The following MACC1 variants were observed in gnomAD, a reference collection of about 807,000 sequenced individuals.
The protein encoded by MACC1 is MET transcriptional regulator MACC1, also known as metastasis-associated in colon cancer protein 1.
MACC1 carries 79 observed loss-of-function variants against 70.7 expected under a neutral mutation model. The observed-to-expected ratio is 1.12, with a 90% confidence interval of 0.93 to 1.35. MACC1 has a LOEUF of 1.35. Among genes scored for constraint, MACC1 ranks in the 40% most tolerant of loss-of-function variants. The pLI is 0.00. For missense variants in MACC1, 1,106 were observed against 978.1 expected (o/e 1.13, Z -1.74); for synonymous variants, 361 against 347.2 (o/e 1.04, Z -0.44).
At position 20,140,730 on chromosome 7, in the gene MACC1, C is replaced by G. The variant is rs557180757; in HGVS notation, c.*216G>C. 4.1e-5 allele frequency: 17 copies of G among 416,120 alleles called. No homozygotes were observed. Among genetic ancestry groups the G allele is most frequent in the African/African-American group, 3.1e-4 (14 of 45,740 alleles). 25.8% of individuals were successfully genotyped at this position (416,120 alleles called of 1,614,324 possible). A position where few individuals can be genotyped will look rare whatever the true frequency, so the allele number is the denominator to read the frequency against. On this transcript the variant is annotated 3_prime_UTR_variant, in exon 7 of 7. Transcript: ENST00000400331. ...TTGGTTATCAGTTAGGCTGTGCTTT[C>G]ATCAGGAAAAAAAAACTGGTTTTGA... is the stretch of plus-strand genomic sequence containing the variant.
In MACC1 at chr7:20,207,148, CT is replaced by C. The variant is rs906784275; in HGVS notation, c.-218+10150del. ...CAATCCATTGTTAACTTTTTCTTTT[CT>C]TTTTTTTTTTAGACAGAGTCTTGCT... On this transcript the variant is annotated intron_variant, in intron 1 of 6. Coordinates refer to ENST00000400331, the MANE Select transcript of MACC1 (RefSeq NM_182762.4). 1.2e-3 allele frequency among the ~76,000 whole-genome samples: 167 copies of C among 144,690 alleles called. 2 individuals are homozygous for C. Among genetic ancestry groups the C allele is most frequent in the African/African-American group, 2.6e-3 (102 of 39,666 alleles). 94.9% of individuals were successfully genotyped at this position (144,690 alleles called of 152,430 possible). A position where few individuals can be genotyped will look rare whatever the true frequency, so the allele number is the denominator to read the frequency against.
intron 1 of MACC1, among the ~76,000 whole-genome samples, chr7:20,188,098 A>T (rs1034538342): frequency 1.3e-5 from 2 of 152,134 alleles, no homozygotes; most frequent in South Asian, 4.2e-4. Flanking sequence ...AAACCACAAG[A>T]TCTCCTGACA....
In MACC1 at chr7:20,158,788, CCTT is replaced by C. The variant is rs745697507; in HGVS notation, c.1570_1572del (p.Lys524del). ...GATAAAGGAGCAGACTTGATTTCCT[CCTT>C]CTTCTGCAAATAGCCTGGCAGATTC... On this transcript the variant is annotated inframe_deletion, in exon 5 of 7. Transcript: ENST00000400331. 50 of 1,613,962 alleles carry C rather than the reference CCTT, an allele frequency of 3.1e-5. No homozygotes were observed. The highest frequency in any genetic ancestry group is 1.6e-4 in the Middle Eastern group (1 of 6,084).
intron 1 of MACC1, among the ~76,000 whole-genome samples, chr7:20,182,528 T>A (rs1782525990): frequency 6.6e-6 from 1 of 152,184 alleles, no homozygotes; most frequent in Admixed American, 6.5e-5. Context: ...TTACAGGATA[T>A]GATGCACATC....
In MACC1 at chr7:20,146,949, A is replaced by T. The variant is rs77268664; in HGVS notation, c.2347-5791T>A. Reference sequence around the variant, plus strand: ...GAAGCGTGAGGCTGATAAAAGCACAAAGTTGTTAATTTTCATCTATGTGCT... The same window carrying T: ...GAAGCGTGAGGCTGATAAAAGCACATAGTTGTTAATTTTCATCTATGTGCT... On this transcript the variant is annotated intron_variant, in intron 6 of 6. Coordinates refer to ENST00000400331, the MANE Select transcript of MACC1 (RefSeq NM_182762.4). Among the ~76,000 whole-genome samples the T allele has an allele frequency of 6.1e-3, 924 of 152,300 alleles. 11 individuals carry two copies. The highest frequency in any genetic ancestry group is 0.021 in the African/African-American group (869 of 41,560).
chr7:20,154,802 A>C (rs1782031962), intron 5 of MACC1, among the ~76,000 whole-genome samples: 1 of 152,134 alleles, frequency 6.6e-6, no homozygotes, highest in East Asian at 1.9e-4. Context: ...GATTGGCTAC[A>C]AGAATTTCTT....
chr7:20,193,674 C>G (rs747127220), intron 1 of MACC1, among the ~76,000 whole-genome samples: 2 of 152,098 alleles, frequency 1.3e-5, no homozygotes, highest in Non-Finnish European at 2.9e-5. Flanking sequence ...GGAAGGCAGG[C>G]CTGGTTGTAG....
chr7:20,174,330 T>C (rs571778705), intron 1 of MACC1, among the ~76,000 whole-genome samples: 1 of 152,268 alleles, frequency 6.6e-6, no homozygotes, highest in African/African-American at 2.4e-5. Context: ...ATGTGAGAAG[T>C]TCATTTTAAA....
intron 1 of MACC1, among the ~76,000 whole-genome samples, chr7:20,179,051 GA>G (rs1782458445): frequency 6.6e-6 from 1 of 151,902 alleles, no homozygotes; most frequent in East Asian, 1.9e-4. Context: ...TAACTTTTAT[GA>G]ACTTTTATCT....
intron 1 of MACC1, among the ~76,000 whole-genome samples, chr7:20,184,690 G>T (rs1583402527): frequency 6.6e-6 from 1 of 152,124 alleles, no homozygotes; most frequent in Non-Finnish European, 1.5e-5. Flanking sequence ...TTTACCTTTT[G>T]TCTGCCGAAA....
chr7:20,174,557 C>T (rs921740056), intron 1 of MACC1, among the ~76,000 whole-genome samples: 1 of 152,020 alleles, frequency 6.6e-6, no homozygotes, highest in Non-Finnish European at 1.5e-5. Context: ...ACATATACAG[C>T]TTGCAGAGTT....
intron 1 of MACC1, among the ~76,000 whole-genome samples, chr7:20,216,696 T>C (rs892871509): frequency 9.9e-5 from 15 of 152,194 alleles, no homozygotes; most frequent in Non-Finnish European, 1.9e-4. Flanking sequence ...CATCTGTCTA[T>C]TCAGTACAAT....
At chr7:20,193,286 C>A (rs1782699991) in intron 1 of MACC1, among the ~76,000 whole-genome samples, 1 of 152,110 alleles carries the variant, frequency 6.6e-6, no homozygotes, top group South Asian at 2.1e-4. Flanking sequence ...CAACTTAGGG[C>A]ATGATGTCAC....
rs1385525868 is a variant in MACC1, at chr7:20,158,439, A to G, written c.1922T>C (p.Leu641Pro). The G allele has an allele frequency of 6.2e-7, 1 of 1,613,990 alleles. No individual in the cohort carries two copies. Among genetic ancestry groups the G allele is most frequent in the Non-Finnish European group, 8.5e-7 (1 of 1,179,988 alleles). The change falls in exon 5 of 7, where the codon CTG (leucine) becomes CCG (proline). Residue 641 changes from leucine to proline, a missense_variant. Transcript: ENST00000400331. ...TTRNLLEQIVLPLKKLTYIYS... is the reference protein window; with the variant it reads ...TTRNLLEQIVPPLKKLTYIYS... Reference sequence around the variant, plus strand: ...GATATAAGTCAATTTTTTTAAAGGCAGGACAATCTGTTCAAGAAGATTTCT... The same window carrying G: ...GATATAAGTCAATTTTTTTAAAGGCGGGACAATCTGTTCAAGAAGATTTCT...
At chr7:20,146,747 A>G (rs1781897675) in intron 6 of MACC1, among the ~76,000 whole-genome samples, 1 of 152,216 alleles carries the variant, frequency 6.6e-6, no homozygotes. Context: ...AAAAATCTAA[A>G]GGAAAGCCCT....
chr7:20,190,215 C>T (rs944369836), intron 1 of MACC1, among the ~76,000 whole-genome samples: 1 of 152,176 alleles, frequency 6.6e-6, no homozygotes, highest in Non-Finnish European at 1.5e-5. Context: ...TACTCCAATC[C>T]CTGTGACCTA....
At position 20,214,878 on chromosome 7, in the gene MACC1, A is replaced by C. The variant is rs551882659; in HGVS notation, c.-218+2421T>G. On this transcript the variant is annotated intron_variant, in intron 1 of 6. Transcript: ENST00000400331. ...TTTGGAAAACACTGCTGTACGTGAG[A>C]TACTTTCATGACCTTTTCCTGCCCA... Among the ~76,000 whole-genome samples the C allele has an allele frequency of 5.3e-5, 8 of 152,296 alleles. No individual in the cohort carries two copies. In the East Asian group the frequency reaches 1.5e-3, roughly 29 times the overall value.
intron 1 of MACC1, among the ~76,000 whole-genome samples, chr7:20,182,517 G>A (rs3114468): frequency 0.52 from 78,628 of 151,922 alleles, 22,989 homozygotes; most frequent in East Asian, 0.89. Context: ...TATTGCACAA[G>A]TTACAGGATA....
intron 1 of MACC1, among the ~76,000 whole-genome samples, chr7:20,211,180 TACTA>T (rs1424691197): frequency 1.3e-5 from 2 of 152,158 alleles, no homozygotes; most frequent in Admixed American, 1.3e-4. Context: ...AATCTCTATT[TACTA>T]ACTATTAACA....
Sources: allele counts gnomAD v4.1 joint callset (sites outside exome capture counted in the v4.1 genomes callset), GRCh38; gene constraint gnomAD v4.1.1; transcripts MANE v1.5; gene names NCBI Gene and HGNC (gene_info 2026-07-23, HGNC 2026-07-21).